Variants in CUL2 observed in about 807,000 individuals in gnomAD.
CUL2 encodes the protein cullin 2.
CUL2 carries 22 observed loss-of-function variants against 110.2 expected under a neutral mutation model. That is an observed-to-expected ratio of 0.20 (90% CI 0.14 to 0.28). The LOEUF (loss-of-function observed/expected upper bound fraction) is 0.28. Among genes scored for constraint, CUL2 ranks in the 10% least tolerant of loss-of-function variants. The pLI is 1.00. For missense variants in CUL2, 631 were observed against 905.5 expected, an observed-to-expected ratio of 0.70 and a Z score of 3.89; for synonymous variants, 279 against 293.2, an observed-to-expected ratio of 0.95 and a Z score of 0.49.
chr10:35,014,332 A>T (rs1038418012), intron 18 of CUL2, among the ~76,000 whole-genome samples: 1 of 152,170 alleles, frequency 6.6e-6, no homozygotes, highest in Non-Finnish European at 1.5e-5. Flanking sequence ...TCCATGTTTT[A>T]TTCACTCTTC....
rs1020044188 is a variant in CUL2 at position 35,008,985 on chromosome 10, T to C, written c.*1326A>G. The C allele has an allele frequency of 2.0e-5, 3 of 151,802 alleles. No homozygotes were observed. The highest frequency in any genetic ancestry group is 4.8e-5 in the African/African-American group (2 of 41,324). The allele number at this position is 151,802 out of a possible 1,614,324, so 9.4% of individuals were successfully genotyped here. A position where few individuals can be genotyped will look rare whatever the true frequency, so the allele number is the denominator to read the frequency against. On this transcript the variant is annotated 3_prime_UTR_variant, in exon 21 of 21. Coordinates refer to ENST00000374749, the MANE Select transcript of CUL2 (RefSeq NM_003591.4). ...GGCTCATGCTTGTAATCCCAGCACT[T>C]TGGGAGACAGAGATAGGATTGCTTG...
intron 1 of CUL2, among the ~76,000 whole-genome samples, chr10:35,103,626 T>C (rs1249508400): frequency 1.3e-5 from 2 of 151,552 alleles, no homozygotes. Context: ...CCCGGCCTAA[T>C]TTTTTGTATT....
At chr10:35,038,245 G>A (rs1306838271) in intron 9 of CUL2, among the ~76,000 whole-genome samples, 3 of 151,514 alleles carry the variant, frequency 2.0e-5, no homozygotes, top group Non-Finnish European at 2.9e-5. Flanking sequence ...AATCAGAGAG[G>A]CCGGGCGCAG....
At chr10:35,053,283 T>C (rs944972165) in intron 5 of CUL2, among the ~76,000 whole-genome samples, 1 of 152,210 alleles carries the variant, frequency 6.6e-6, no homozygotes, top group Non-Finnish European at 1.5e-5. Flanking sequence ...TATTTTGGTA[T>C]TTCTCATTGA....
chr10:35,016,507 G>T, intron 17 of CUL2, 113 bp from the exon 18 acceptor site: 1 of 831,470 alleles, frequency 1.2e-6, no homozygotes, highest in Non-Finnish European at 1.9e-6. Flanking sequence ...TTATTAAATT[G>T]TTGTAAAGCC....
Position 35,016,276 on chromosome 10 carries a change from G to A in CUL2, c.1803C>T (p.Asp601=), listed in dbSNP as rs1430123223. 3 of 1,613,970 alleles carry A rather than the reference G, an allele frequency of 1.9e-6. No individual in the cohort carries two copies. Among genetic ancestry groups the A allele is most frequent in the East Asian group, 2.2e-5 (1 of 44,862 alleles). ...GTTCCTTTTCATTCATCTGAGTGCT[G>A]TCCTGAAGCTCTTTATAACTGACAG... ...SETVSYKELQ[D]STQMNEKELT... The change falls in exon 18 of 21, where the codon GAC becomes GAT. Residue 601 remains aspartate, a synonymous_variant. Coordinates refer to ENST00000374749, the MANE Select transcript of CUL2 (RefSeq NM_003591.4).
Position 35,013,693 on chromosome 10 carries a change from A to G in CUL2, c.1989+6T>C. 3 of 1,540,206 alleles carry G rather than the reference A, an allele frequency of 1.9e-6. No individual in the cohort carries two copies. The highest frequency in any genetic ancestry group is 2.7e-6 in the Non-Finnish European group (3 of 1,131,596). ...TCAAAAAAAACTTGACATTAAAAGC[A>G]CTTACTTGTGGTGTGTCTTTCTGCA... On this transcript the variant is annotated splice_donor_region_variant and intron_variant, in intron 19 of 20. Transcript: ENST00000374749.
intron 9 of CUL2, among the ~76,000 whole-genome samples, chr10:35,037,199 T>C (rs1461581940): frequency 3.9e-5 from 6 of 152,356 alleles, no homozygotes; most frequent in African/African-American, 1.2e-4. Flanking sequence ...ATTTTGTATA[T>C]GGTATCTTGA....
In CUL2 at chr10:35,033,293, A is replaced by G. The variant is rs991954736; in HGVS notation, c.1003-20T>C. 6.6e-6 allele frequency: 10 copies of G among 1,517,846 alleles called. No homozygotes were observed. Among genetic ancestry groups the G allele is most frequent in the Admixed American group, 3.3e-5 (2 of 59,798 alleles). 94.0% of individuals were successfully genotyped at this position (1,517,846 alleles called of 1,614,324 possible). A position where few individuals can be genotyped will look rare whatever the true frequency, so the allele number is the denominator to read the frequency against. ...TGGCATCTAAAAATGAAATATAAGT[A>G]CAAAACCACATTTTAAGAGGTTCAA... On this transcript the variant is annotated intron_variant, in intron 10 of 20. Transcript: ENST00000374749.
At chr10:35,055,475 G>A (rs752914995) in intron 4 of CUL2, among the ~76,000 whole-genome samples, 7 of 152,238 alleles carry the variant, frequency 4.6e-5, no homozygotes, top group Non-Finnish European at 7.3e-5. Flanking sequence ...GCTCACGCCT[G>A]TAATCCCAGT....
At chr10:35,116,493 T>C (rs1321066227) in intron 1 of CUL2, among the ~76,000 whole-genome samples, 1 of 152,234 alleles carries the variant, frequency 6.6e-6, no homozygotes, top group Non-Finnish European at 1.5e-5. Flanking sequence ...TGTTTCTCTC[T>C]GATGATGTTT....
chr10:35,038,821 A>T, intron 9 of CUL2, 99 bp downstream of exon 9: 1 of 656,952 alleles, frequency 1.5e-6, no homozygotes, highest in South Asian at 2.8e-5. Context: ...AATATTTTAA[A>T]GACTATTACT....
chr10:35,029,527 T>C lies in CUL2; in HGVS notation c.1500A>G (p.Val500=), dbSNP rs1330746588. 6.3e-7 allele frequency: 1 copy of C among 1,580,554 alleles called. No homozygotes were observed. Among genetic ancestry groups the C allele is most frequent in the Non-Finnish European group, 8.6e-7 (1 of 1,165,464 alleles). Residue 500 remains valine, a synonymous_variant, in exon 15 of 21, where the codon GTA becomes GTG. Transcript: ENST00000374749. The part of the protein sequence containing the change: ...FNNFIKNQDT[V]IDLGISFQIY... ...TTTGAAAACTAATTCCCAAATCTAT[T>C]ACTGTGTCTTGGTTTTTGATAAAAT...
intron 1 of CUL2, among the ~76,000 whole-genome samples, chr10:35,112,343 T>C (rs1252468322): frequency 6.6e-6 from 1 of 152,172 alleles, no homozygotes; most frequent in African/African-American, 2.4e-5. Flanking sequence ...TAATGGGCAG[T>C]GCAGGACTGT....
intron 17 of CUL2, among the ~76,000 whole-genome samples, chr10:35,021,442 TACAC>T (rs113171877): frequency 6.7e-6 from 1 of 149,644 alleles, no homozygotes; most frequent in Non-Finnish European, 1.5e-5. Flanking sequence ...TGTATATATA[TACAC>T]ACACACACAT....
intron 8 of CUL2, among the ~76,000 whole-genome samples, chr10:35,039,578 G>A (rs1184546363): frequency 6.6e-6 from 1 of 152,200 alleles, no homozygotes; most frequent in Non-Finnish European, 1.5e-5. Context: ...ATTTTTGAAA[G>A]TAGGGGCTGG....
Position 35,118,085 on chromosome 10 carries a change from G to A in CUL2, c.-51+8520C>T. The A allele has an allele frequency of 1.3e-5, 2 of 152,120 alleles. 1 individual carries two copies. The allele number at this position is 152,120 out of a possible 1,614,324, so 9.4% of individuals were successfully genotyped here. A position where few individuals can be genotyped will look rare whatever the true frequency, so the allele number is the denominator to read the frequency against. Reference sequence around the variant, plus strand: ...GCATACATTAGGCTTCATTCTCAGTGATGTACATTCAATGGGTTTTGACAA... The same window carrying A: ...GCATACATTAGGCTTCATTCTCAGTAATGTACATTCAATGGGTTTTGACAA... On this transcript the variant is annotated intron_variant, in intron 1 of 5. Transcript: ENST00000685421.
chr10:35,071,734 A>G (rs564545653), intron 1 of CUL2, among the ~76,000 whole-genome samples: 21 of 152,144 alleles, frequency 1.4e-4, no homozygotes, highest in Non-Finnish European at 2.6e-4. Flanking sequence ...AGCACTACAT[A>G]ATTAAATAGC....
chr10:35,106,339 A>T (rs764625006), intron 1 of CUL2, among the ~76,000 whole-genome samples: 4 of 146,620 alleles, frequency 2.7e-5, no homozygotes, highest in Non-Finnish European at 4.5e-5. Flanking sequence ...TGTTTGTTTG[A>T]GAAGGAGTCT....
Sources: gnomAD v4.1 joint callset for allele counts (sites outside exome capture counted in the v4.1 genomes callset) on GRCh38, gnomAD v4.1.1 for gene constraint, MANE v1.5 for transcripts, NCBI Gene and HGNC (gene_info 2026-07-23, HGNC 2026-07-21) for gene names.